The following EPHA6 variants were observed in gnomAD, a reference collection of about 807,000 sequenced individuals.
The protein encoded by EPHA6 is ephrin type-A receptor 6.
EPHA6 carries 50 observed loss-of-function variants against 112.0 expected under a neutral mutation model. The ratio of observed to expected loss-of-function variants is 0.45; its 90% CI spans 0.36 to 0.56. The LOEUF (loss-of-function observed/expected upper bound fraction) is 0.56, where lower values mean the gene tolerates loss of function less well. EPHA6 is among the 20% of genes least tolerant of loss of function. EPHA6 has a pLI of 0.00. For synonymous variants in EPHA6, 529 were observed against 490.7 expected, an observed-to-expected ratio of 1.08 and a Z score of -1.03; for missense variants, 1,280 against 1,417.4, an observed-to-expected ratio of 0.90 and a Z score of 1.56.
At chr3:97,728,069 G>T (rs368230091) in intron 15 of EPHA6, among the ~76,000 whole-genome samples, 1 of 5,820 alleles carries the variant, frequency 1.7e-4, no homozygotes, top group South Asian at 0.01. Context: ...ACTAGCTTTA[G>T]AACTTATGAT....
intron 5 of EPHA6, among the ~76,000 whole-genome samples, chr3:97,268,224 CT>C (rs2079758191): frequency 6.6e-6 from 1 of 152,108 alleles, no homozygotes; most frequent in South Asian, 2.1e-4. Context: ...AAAAAGCTTT[CT>C]TTTCTAATGA....
chr3:97,289,321 T>C (rs933082733), intron 5 of EPHA6, among the ~76,000 whole-genome samples: 2 of 152,114 alleles, frequency 1.3e-5, no homozygotes, highest in African/African-American at 4.8e-5. Flanking sequence ...ATCCCAGCAC[T>C]ATTTATTGAA....
intron 6 of EPHA6, among the ~76,000 whole-genome samples, chr3:97,417,330 A>C (rs879888497): frequency 6.6e-6 from 1 of 152,084 alleles, no homozygotes; most frequent in Non-Finnish European, 1.5e-5. Flanking sequence ...TTTTCCTGAC[A>C]CACTGTAATC....
At chr3:97,486,239 C>A (rs989606800) in intron 10 of EPHA6, among the ~76,000 whole-genome samples, 1 of 152,064 alleles carries the variant, frequency 6.6e-6, no homozygotes, top group African/African-American at 2.4e-5. Context: ...CTTTTTAAAT[C>A]TTTATTCATC....
chr3:97,499,541 G>T (rs1457339181), intron 10 of EPHA6, among the ~76,000 whole-genome samples: 1 of 152,118 alleles, frequency 6.6e-6, no homozygotes, highest in Non-Finnish European at 1.5e-5. Flanking sequence ...ACATCATAGA[G>T]TGCACTTAAC....
chr3:97,218,267 T>C (rs1478526834), intron 3 of EPHA6, among the ~76,000 whole-genome samples: 2 of 150,688 alleles, frequency 1.3e-5, no homozygotes, highest in African/African-American at 4.9e-5. Context: ...TGAGACCCTA[T>C]CTTAAAAAAA....
chr3:97,596,777 C>CATAT (rs57541953), intron 12 of EPHA6, among the ~76,000 whole-genome samples: 3,323 of 106,018 alleles, frequency 0.031, 63 homozygotes, highest in South Asian at 0.054. Context: ...AACTCATATA[C>CATAT]ATATATATAT....
intron 3 of EPHA6, among the ~76,000 whole-genome samples, chr3:97,005,504 A>G (rs2043843609): frequency 6.6e-6 from 1 of 152,148 alleles, no homozygotes; most frequent in Non-Finnish European, 1.5e-5. Flanking sequence ...TATCAGTTCA[A>G]GAGGTTTTTG....
chr3:97,123,361 A>G (rs1050197966), intron 3 of EPHA6, among the ~76,000 whole-genome samples: 10 of 152,094 alleles, frequency 6.6e-5, no homozygotes, highest in African/African-American at 7.2e-5. Context: ...TATTCATACT[A>G]CAAGTAAGGA....
At chr3:97,073,841 T>C (rs2046432418) in intron 3 of EPHA6, among the ~76,000 whole-genome samples, 2 of 152,194 alleles carry the variant, frequency 1.3e-5, no homozygotes, top group South Asian at 4.1e-4. Flanking sequence ...TAAATTATTG[T>C]TTTAAAACAA....
intron 16 of EPHA6, among the ~76,000 whole-genome samples, chr3:97,745,888 C>T (rs2035694143): frequency 6.6e-6 from 1 of 151,674 alleles, no homozygotes. Context: ...ACCTTAGGAC[C>T]TAATTCCCAT....
chr3:97,079,039 C>T (rs1443754641), intron 3 of EPHA6, among the ~76,000 whole-genome samples: 3 of 152,146 alleles, frequency 2.0e-5, no homozygotes, highest in African/African-American at 4.8e-5. Flanking sequence ...ATAAATCATT[C>T]TATTACAAAG....
At chr3:96,943,691 A>G (rs897270765) in intron 2 of EPHA6, among the ~76,000 whole-genome samples, 1 of 152,194 alleles carries the variant, frequency 6.6e-6, no homozygotes, top group Non-Finnish European at 1.5e-5. Flanking sequence ...TTTATAATGA[A>G]AGCAAAGTTG....
At chr3:96,981,137 A>G (rs1216132433) in intron 2 of EPHA6, among the ~76,000 whole-genome samples, 5 of 152,172 alleles carry the variant, frequency 3.3e-5, no homozygotes, top group African/African-American at 1.2e-4. Flanking sequence ...CCAGTTTTCA[A>G]AGGGAATGCT....
chr3:97,142,721 CA>C (rs2075943985), intron 3 of EPHA6, among the ~76,000 whole-genome samples: 1 of 151,650 alleles, frequency 6.6e-6, no homozygotes, highest in Non-Finnish European at 1.5e-5. Context: ...ATTCACAGCC[CA>C]ATCTTACCAG....
chr3:97,653,291 A>C (rs1406621147), intron 14 of EPHA6, among the ~76,000 whole-genome samples: 1 of 151,950 alleles, frequency 6.6e-6, no homozygotes, highest in African/African-American at 2.4e-5. Flanking sequence ...CAAAATATGT[A>C]AGGAACTCAT....
At chr3:97,685,179 C>T (rs1428614907) in intron 14 of EPHA6, among the ~76,000 whole-genome samples, 1 of 151,996 alleles carries the variant, frequency 6.6e-6, no homozygotes, top group Non-Finnish European at 1.5e-5. Context: ...ATTAATAAAC[C>T]AAATTTTGAC....
In EPHA6 at chr3:96,854,294, C is replaced by A. The variant is rs987614948; in HGVS notation, c.386-12531C>A. Among the ~76,000 whole-genome samples, 142 of 151,476 alleles carry A rather than the reference C, an allele frequency of 9.4e-4. 1 individual carries two copies. The highest frequency in any genetic ancestry group is 3.2e-3 in the African/African-American group (134 of 41,290). On this transcript the variant is annotated intron_variant, in intron 1 of 17. Transcript: ENST00000389672. Reference sequence around the variant, plus strand: ...TCCTGGATTCAAGTGATTATCCTGCCTCAGCCTCCCAAGTAGCTGGGACTA... The same window carrying A: ...TCCTGGATTCAAGTGATTATCCTGCATCAGCCTCCCAAGTAGCTGGGACTA...
chr3:97,620,041 A>G (rs746567814), intron 13 of EPHA6, among the ~76,000 whole-genome samples: 7 of 152,124 alleles, frequency 4.6e-5, no homozygotes, highest in Admixed American at 2.0e-4. Flanking sequence ...AGTGAGCAAA[A>G]TAGCATGGTA....
Sources: gnomAD v4.1 joint callset for allele counts (sites outside exome capture counted in the v4.1 genomes callset) on GRCh38, gnomAD v4.1.1 for gene constraint, MANE v1.5 for transcripts, NCBI Gene and HGNC (gene_info 2026-07-23, HGNC 2026-07-21) for gene names.